ACOX1: variants seen among roughly 807,000 people sequenced by gnomAD.
The protein encoded by ACOX1 is peroxisomal acyl-coenzyme A oxidase 1.
In ACOX1, 41 loss-of-function variants were observed where a neutral mutation model predicts 75.5. The observed-to-expected ratio is 0.54, with a 90% confidence interval of 0.42 to 0.70. The LOEUF (loss-of-function observed/expected upper bound fraction) is 0.70, where lower values mean the gene tolerates loss of function less well. Ranked by LOEUF, ACOX1 falls within the 30% of genes least tolerant of loss-of-function variation. The pLI, the probability that ACOX1 is intolerant of heterozygous loss-of-function variation, is 0.00. For synonymous variants in ACOX1, 303 were observed against 298.8 expected (o/e 1.01, Z -0.15); for missense variants, 630 against 837.5 (o/e 0.75, Z 3.06).
At chr17:75,959,236 C>T (rs1267285784) in intron 3 of ACOX1, among the ~76,000 whole-genome samples, 2 of 152,136 alleles carry the variant, frequency 1.3e-5, no homozygotes, top group Non-Finnish European at 2.9e-5. Flanking sequence ...ACAACTTTCC[C>T]GAGTGGGAGT....
chr17:75,948,255 G>A lies in ACOX1; in HGVS notation c.1931C>T (p.Ala644Val). The A allele has an allele frequency of 6.2e-7, 1 of 1,614,098 alleles. No homozygotes were observed. Among genetic ancestry groups the A allele is most frequent in the Non-Finnish European group, 8.5e-7 (1 of 1,179,966 alleles). ...EWAKNSPLNKAEVHESYKHLK... is the reference protein window; with the variant it reads ...EWAKNSPLNKVEVHESYKHLK... ...GCAGAGACACTGGATTTTTACCTCT[G>A]CTTTGTTCAGTGGGGAGTTCTTAGC... Residue 644 changes from alanine to valine, a missense_variant, in exon 13 of 14, where the codon GCA becomes GTA. Transcript: ENST00000293217.
At chr17:75,949,646 T>A in intron 10 of ACOX1, 46 bp from the exon 11 acceptor site, 3 of 1,612,770 alleles carry the variant, frequency 1.9e-6, no homozygotes, top group Non-Finnish European at 2.5e-6. Context: ...TCAACAGTAC[T>A]CATGCCTTCT....
At chr17:75,953,407 A>C in intron 7 of ACOX1, 44 bp downstream of exon 7, 1 of 1,607,890 alleles carries the variant, frequency 6.2e-7, no homozygotes, top group Middle Eastern at 1.8e-4. Context: ...ATGGGGTAAA[A>C]ACTAGGCCTT....
chr17:75,965,337 C>CAAAAAAAAAAAAAAAAACAAA (rs2065921470), intron 2 of ACOX1, among the ~76,000 whole-genome samples: 1 of 81,702 alleles, frequency 1.2e-5, no homozygotes, highest in South Asian at 4.3e-4. Flanking sequence ...GACTCTGTCT[C>CAAAAAAAAAAAAAAAAACAAA]AAAAAAAAAA....
rs924752044 is a variant in ACOX1 at position 75,978,807 on chromosome 17, T to TC, written c.110-115dup. ...CGGACACACCTGGGGAATGGCGATA[T>TC]CCCCCCACCAGGGACACAGGCTGTT... On this transcript the variant is annotated intron_variant, in intron 1 of 13. Transcript: ENST00000293217. The surrounding 1 kb of genome is among the most constrained non-coding windows in gnomAD (Gnocchi z 4.2). 4.6e-5 allele frequency: 74 copies of TC among 1,603,548 alleles called. No individual in the cohort carries two copies. Among genetic ancestry groups the TC allele is most frequent in the East Asian group, 2.5e-4 (11 of 44,852 alleles).
rs572895309 is a variant in ACOX1 at position 75,943,216 on chromosome 17, CA to C, written c.*3531del. 0.07 allele frequency: 7,582 copies of C among 107,870 alleles called. 329 individuals carry two copies. Among genetic ancestry groups the C allele is most frequent in the African/African-American group, 0.15 (4,595 of 30,574 alleles). 6.7% of individuals were successfully genotyped at this position (107,870 alleles called of 1,614,324 possible). A position where few individuals can be genotyped will look rare whatever the true frequency, so the allele number is the denominator to read the frequency against. On this transcript the variant is annotated 3_prime_UTR_variant, in exon 14 of 14. Coordinates refer to ENST00000293217, the MANE Select transcript of ACOX1 (RefSeq NM_004035.7). The stretch of plus-strand genomic sequence containing the variant: ...CATTCCCGCCTGGGAGACTCCATCT[CA>C]AAAAAAAAAAAAAAAAAATTAACAT...
At chr17:75,968,823 G>A (rs1435073677) in intron 2 of ACOX1, among the ~76,000 whole-genome samples, 12 of 151,144 alleles carry the variant, frequency 7.9e-5, no homozygotes, top group Non-Finnish European at 1.8e-4. Context: ...TCAGGAGGCC[G>A]AGGGAGGAGA....
Position 75,944,983 on chromosome 17 carries a change from T to C in ACOX1, c.*1765A>G, listed in dbSNP as rs1292268716. The C allele has an allele frequency of 1.3e-5, 2 of 152,164 alleles. No individual in the cohort carries two copies. The highest frequency in any genetic ancestry group is 4.8e-5 in the African/African-American group (2 of 41,440). The allele number at this position is 152,164 out of a possible 1,614,324, so 9.4% of individuals were successfully genotyped here. A position where few individuals can be genotyped will look rare whatever the true frequency, so the allele number is the denominator to read the frequency against. On this transcript the variant is annotated 3_prime_UTR_variant, in exon 14 of 14. Transcript: ENST00000293217. ...ATGGTCTCAAACTCCTGACCTCAGG[T>C]GATCCACCCGCTTCGGCCTCCCAAA...
chr17:75,978,495 A>T lies in ACOX1; in HGVS notation c.269+39T>A. The T allele has an allele frequency of 1.2e-6, 2 of 1,613,632 alleles. No individual in the cohort carries two copies. The highest frequency in any genetic ancestry group is 4.5e-5 in the East Asian group (2 of 44,870). On this transcript the variant is annotated intron_variant, in intron 2 of 13. Coordinates refer to ENST00000293217, the MANE Select transcript of ACOX1 (RefSeq NM_004035.7). The surrounding 1 kb of genome is among the most constrained non-coding windows in gnomAD (Gnocchi z 4.2). ...ACCATAGACCGCAGCTGTAAAGTTT[A>T]GGCTTAACAACACTTGCTCTGTTCT...
intron 8 of ACOX1, 126 bp from the exon 9 acceptor site, chr17:75,951,090 T>G: frequency 9.8e-7 from 1 of 1,024,958 alleles, no homozygotes. Context: ...ACATGCAAAC[T>G]GAAGAAGCAC....
chr17:75,946,731 C>G lies in ACOX1; in HGVS notation c.*17G>C, dbSNP rs1200987336. 3 of 1,613,182 alleles carry G rather than the reference C, an allele frequency of 1.9e-6. No individual in the cohort carries two copies. In the South Asian group the frequency reaches 3.3e-5, roughly 18 times the overall value. On this transcript the variant is annotated 3_prime_UTR_variant, in exon 14 of 14. Coordinates refer to ENST00000293217, the MANE Select transcript of ACOX1 (RefSeq NM_004035.7). ...CAGGCGCTTTCTGAAGCAGATTAAA[C>G]TTGTCCTTGTGACACTTCAGAGCTT... is the stretch of plus-strand genomic sequence containing the variant.
At position 75,950,058 on chromosome 17, in the gene ACOX1, C is replaced by T. The variant is rs934938535; in HGVS notation, c.1299-161G>A. 6.6e-6 allele frequency among the ~76,000 whole-genome samples: 1 copy of T among 152,248 alleles called. No homozygotes were observed. Among genetic ancestry groups the T allele is most frequent in the East Asian group, 1.9e-4 (1 of 5,182 alleles). ...GGGTTCAAATGAATGATTCTCCTGC[C>T]TCAGCCTCCCAAGTAGCTGGGACTA... On this transcript the variant is annotated intron_variant, in intron 9 of 13. Coordinates refer to ENST00000293217, the MANE Select transcript of ACOX1 (RefSeq NM_004035.7). This position sits in a 1 kb window ranked among gnomAD's most constrained non-coding sequence, Gnocchi z 4.3.
chr17:75,960,437 C>T lies in ACOX1; in HGVS notation c.270-62G>A. The T allele has an allele frequency of 6.4e-7, 1 of 1,559,514 alleles. No homozygotes were observed. The highest frequency in any genetic ancestry group is 1.3e-5 in the African/African-American group (1 of 74,118). On this transcript the variant is annotated intron_variant, in intron 2 of 13. Coordinates refer to ENST00000293217, the MANE Select transcript of ACOX1 (RefSeq NM_004035.7). This position sits in a 1 kb window ranked among gnomAD's most constrained non-coding sequence, Gnocchi z 4.4. ...GAGTCATCAGGTGTGAGAGAATCAG[C>T]AATTTAAATAGAGCAAGGGAAGGAG...
chr17:75,965,719 A>G (rs2065925871), intron 2 of ACOX1, among the ~76,000 whole-genome samples: 1 of 151,616 alleles, frequency 6.6e-6, no homozygotes, highest in African/African-American at 2.4e-5. Context: ...CATACTCTCA[A>G]CTACTCGGGA....
At position 75,942,776 on chromosome 17, in the gene ACOX1, C is replaced by T. The variant is rs992985966; in HGVS notation, c.*3972G>A. ...CAGACCACCTACACCTAATTCACTTCCTTTCTAATAAGATGGATGGAATAA... is the reference window on the plus strand; with the variant it reads ...CAGACCACCTACACCTAATTCACTTTCTTTCTAATAAGATGGATGGAATAA... On this transcript the variant is annotated 3_prime_UTR_variant, in exon 14 of 14. Transcript: ENST00000293217. 5 of 152,080 alleles carry T rather than the reference C, an allele frequency of 3.3e-5. No homozygotes were observed. 9.4% of individuals were successfully genotyped at this position (152,080 alleles called of 1,614,324 possible).
At chr17:75,977,392 C>T (rs927373531) in intron 2 of ACOX1, among the ~76,000 whole-genome samples, 1 of 151,728 alleles carries the variant, frequency 6.6e-6, no homozygotes, top group African/African-American at 2.4e-5. Flanking sequence ...ATGGCGAAAC[C>T]CCATCTCTAC....
rs1477503254 is a variant in ACOX1 at position 75,950,276 on chromosome 17, G to A, written c.1299-379C>T. The stretch of plus-strand genomic sequence containing the variant: ...CCTTTTTTTTTTTGATGGAGTTTTC[G>A]CTCTTGTTGCCCAGGATGGAGTGCA... On this transcript the variant is annotated intron_variant, in intron 9 of 13. Transcript: ENST00000293217. The surrounding 1 kb of genome is among the most constrained non-coding windows in gnomAD (Gnocchi z 4.3). Among the ~76,000 whole-genome samples, 1 of 145,622 alleles carries A rather than the reference G, an allele frequency of 6.9e-6. No individual in the cohort carries two copies. The highest frequency in any genetic ancestry group is 2.2e-4 in the South Asian group (1 of 4,600).
chr17:75,978,241 C>T lies in ACOX1; in HGVS notation c.269+293G>A, dbSNP rs1289016161. Among the ~76,000 whole-genome samples, 3 of 152,088 alleles carry T rather than the reference C, an allele frequency of 2.0e-5. No individual in the cohort carries two copies. Among genetic ancestry groups the T allele is most frequent in the African/African-American group, 7.2e-5 (3 of 41,412 alleles). ...TCCCGAGTAGCTGGAACTACAGGCG[C>T]CCGCCACCACGCCCGGCTAATTTTT... On this transcript the variant is annotated intron_variant, in intron 2 of 13. Coordinates refer to ENST00000293217, the MANE Select transcript of ACOX1 (RefSeq NM_004035.7). The surrounding 1 kb of genome is among the most constrained non-coding windows in gnomAD (Gnocchi z 4.2).
At chr17:75,947,248 GT>G (rs55857840) in intron 13 of ACOX1, among the ~76,000 whole-genome samples, 125 of 137,574 alleles carry the variant, frequency 9.1e-4, no homozygotes, top group East Asian at 7.9e-3. Flanking sequence ...TGATGTCTTA[GT>G]TTTTTTTTTT....
Sources: allele counts gnomAD v4.1 joint callset (sites outside exome capture counted in the v4.1 genomes callset), GRCh38; gene constraint gnomAD v4.1.1; non-coding constraint Gnocchi (gnomAD v3.1); transcripts MANE v1.5; gene names NCBI Gene and HGNC (gene_info 2026-07-23, HGNC 2026-07-21).